Variants in PTPRR observed in about 807,000 individuals in gnomAD.
PTPRR encodes the protein protein tyrosine phosphatase receptor type R.
PTPRR carries 38 observed loss-of-function variants against 77.2 expected under a neutral mutation model. That is an observed-to-expected ratio of 0.49 (90% CI 0.38 to 0.65). The LOEUF (loss-of-function observed/expected upper bound fraction) is 0.65. Ranked by LOEUF, PTPRR falls within the 30% of genes least tolerant of loss-of-function variation. The pLI is 0.00. For synonymous variants in PTPRR, 299 were observed against 283.1 expected (o/e 1.06, Z -0.57); for missense variants, 744 against 799.2 (o/e 0.93, Z 0.83).
At chr12:70,759,949 T>G (rs150999890) in intron 4 of PTPRR, among the ~76,000 whole-genome samples, 175 of 152,230 alleles carry the variant, frequency 1.1e-3, no homozygotes, top group African/African-American at 4.1e-3. Context: ...GCCAAATTTA[T>G]GTTGAGAAAG....
At chr12:70,848,051 G>A (rs1159857926) in intron 2 of PTPRR, among the ~76,000 whole-genome samples, 1 of 152,030 alleles carries the variant, frequency 6.6e-6, no homozygotes, top group African/African-American at 2.4e-5. Context: ...TGTGTCCTGA[G>A]GGTCATTACT....
intron 2 of PTPRR, among the ~76,000 whole-genome samples, chr12:70,775,148 A>G (rs1891062341): frequency 6.6e-6 from 1 of 152,244 alleles, no homozygotes; most frequent in Admixed American, 6.5e-5. Flanking sequence ...GAGTTACTAC[A>G]TAAGAACAAT....
At chr12:70,852,665 T>C (rs1429951136) in intron 2 of PTPRR, among the ~76,000 whole-genome samples, 1 of 152,174 alleles carries the variant, frequency 6.6e-6, no homozygotes, top group Non-Finnish European at 1.5e-5. Flanking sequence ...TAGTGTGGAA[T>C]AGTGGAATAG....
At chr12:70,884,721 A>T (rs1221944366) in intron 2 of PTPRR, among the ~76,000 whole-genome samples, 4 of 150,550 alleles carry the variant, frequency 2.7e-5, no homozygotes, top group African/African-American at 9.8e-5. Context: ...ACAAAAAAAA[A>T]ATTACCCGGG....
chr12:70,802,513 G>A (rs749216560), intron 2 of PTPRR, among the ~76,000 whole-genome samples: 29 of 152,150 alleles, frequency 1.9e-4, no homozygotes, highest in Admixed American at 1.2e-3. Context: ...ACCTCCAAAT[G>A]TACTGTTACA....
intron 10 of PTPRR, chr12:70,671,941 G>T (rs1351701400): frequency 9.7e-7 from 1 of 1,035,932 alleles, no homozygotes; most frequent in Non-Finnish European, 1.5e-6. Context: ...GTAGAAGAAG[G>T]TTGCTCACAG....
chr12:70,717,680 T>C (rs1889083812), intron 6 of PTPRR, among the ~76,000 whole-genome samples: 1 of 152,146 alleles, frequency 6.6e-6, no homozygotes, highest in South Asian at 2.1e-4. Flanking sequence ...ATGTCCCATA[T>C]CTACAGAATG....
Position 70,672,811 on chromosome 12 carries a change from G to A in PTPRR, c.1498-10206C>T, listed in dbSNP as rs141340765. 500 of 1,565,326 alleles carry A rather than the reference G, an allele frequency of 3.2e-4. 1 individual carries two copies. In the Middle Eastern group the frequency reaches 4.9e-3, roughly 15 times the overall value. On this transcript the variant is annotated intron_variant, in intron 10 of 13. Coordinates refer to ENST00000283228, the MANE Select transcript of PTPRR (RefSeq NM_002849.4). ...TGTCTTTCTCAAGAAGGGAGATGAA[G>A]TCCAGTGTGAAATTGAAGAACTAGG...
chr12:70,907,460 T>C (rs1893638752), intron 1 of PTPRR, among the ~76,000 whole-genome samples: 1 of 152,218 alleles, frequency 6.6e-6, no homozygotes, highest in Non-Finnish European at 1.5e-5. Context: ...AGCTGAACAG[T>C]GTAAACCTCT....
At chr12:70,909,364 T>G (rs1245058220) in intron 1 of PTPRR, among the ~76,000 whole-genome samples, 1 of 152,204 alleles carries the variant, frequency 6.6e-6, no homozygotes, top group Non-Finnish European at 1.5e-5. Flanking sequence ...GTATGCAAAT[T>G]GTGCACAGGC....
At chr12:70,679,290 T>C (rs1887567612) in intron 10 of PTPRR, among the ~76,000 whole-genome samples, 3 of 152,224 alleles carry the variant, frequency 2.0e-5, no homozygotes, top group African/African-American at 4.8e-5. Context: ...TCAGAAAACA[T>C]ATTTAAAATG....
intron 2 of PTPRR, among the ~76,000 whole-genome samples, chr12:70,848,438 C>T (rs1892521012): frequency 6.6e-6 from 1 of 152,102 alleles, no homozygotes; most frequent in Non-Finnish European, 1.5e-5. Context: ...AGAGATTCTC[C>T]AGAGCAGTTG....
At chr12:70,774,604 A>G (rs1891051225) in intron 2 of PTPRR, among the ~76,000 whole-genome samples, 1 of 146,956 alleles carries the variant, frequency 6.8e-6, no homozygotes, top group Non-Finnish European at 1.5e-5. Flanking sequence ...GATTTTCCTC[A>G]GTTCTCTGCT....
At chr12:70,898,451 T>C (rs1301806500) in intron 1 of PTPRR, among the ~76,000 whole-genome samples, 1 of 149,828 alleles carries the variant, frequency 6.7e-6, no homozygotes, top group African/African-American at 2.4e-5. Context: ...ATTTAGTCTT[T>C]TTTTAACTCC....
intron 6 of PTPRR, among the ~76,000 whole-genome samples, chr12:70,733,481 A>AAAAAAAAAAAAAAAAAAAAAAAATTAAT (rs1565672469): frequency 1.2e-5 from 1 of 80,836 alleles, no homozygotes; most frequent in African/African-American, 6.3e-5. Context: ...AAAAAAAAAA[A>AAAAAAAAAAAAAAAAAAAAAAAATTAAT]GAAAAAAAAA....
At position 70,920,677 on chromosome 12, in the gene PTPRR, A is replaced by G. The variant is rs1893844107; in HGVS notation, c.-287T>C. On this transcript the variant is annotated 5_prime_UTR_variant, in exon 1 of 14. Coordinates refer to ENST00000283228, the MANE Select transcript of PTPRR (RefSeq NM_002849.4). ...TGGACGCCCAGAAGCCAAGGCGGAG[A>G]CGGCAGGGTGGACTCCGCGCCAGCC... 2.7e-6 allele frequency: 1 copy of G among 364,398 alleles called. No individual in the cohort carries two copies. The highest frequency in any genetic ancestry group is 5.3e-6 in the Non-Finnish European group (1 of 189,852). 22.6% of individuals were successfully genotyped at this position (364,398 alleles called of 1,614,324 possible). A position where few individuals can be genotyped will look rare whatever the true frequency, so the allele number is the denominator to read the frequency against.
chr12:70,858,954 CTT>C (rs35314579), intron 2 of PTPRR, among the ~76,000 whole-genome samples: 8 of 137,990 alleles, frequency 5.8e-5, no homozygotes, highest in African/African-American at 3.1e-5. Flanking sequence ...GCATTTCGCC[CTT>C]TTTTTTTTTT....
intron 2 of PTPRR, among the ~76,000 whole-genome samples, chr12:70,856,072 C>G (rs985201561): frequency 1.1e-4 from 16 of 152,068 alleles, no homozygotes; most frequent in African/African-American, 3.9e-4. Flanking sequence ...AGAAGATATA[C>G]TAACTTTAAA....
At chr12:70,676,768 C>A (rs1005247220) in intron 10 of PTPRR, among the ~76,000 whole-genome samples, 2 of 150,498 alleles carry the variant, frequency 1.3e-5, no homozygotes, top group African/African-American at 4.9e-5. Flanking sequence ...TTCCATTGGT[C>A]TATGTATTTG....
Sources: allele counts gnomAD v4.1 joint callset (sites outside exome capture counted in the v4.1 genomes callset), GRCh38; gene constraint gnomAD v4.1.1; transcripts MANE v1.5; gene names NCBI Gene and HGNC (gene_info 2026-07-23, HGNC 2026-07-21).